Variants in GTF2H2C observed in about 807,000 individuals in gnomAD.
GTF2H2C encodes GTF2H2 family member C.
In GTF2H2C, 5 loss-of-function variants were observed where a neutral mutation model predicts 24.8. The ratio of observed to expected loss-of-function variants is 0.20; its 90% CI spans 0.11 to 0.42. The LOEUF is 0.42. Among genes scored for constraint, GTF2H2C ranks in the 20% least tolerant of loss-of-function variants. The pLI is 1.00. For synonymous variants in GTF2H2C, 14 were observed against 52.6 expected (o/e 0.27, Z 3.18); for missense variants, 45 against 169.8 (o/e 0.27, Z 4.08).
Position 69,594,331 on chromosome 5 carries a change from T to G in GTF2H2C, c.*2133T>G, listed in dbSNP as rs1772103220. On this transcript the variant is annotated 3_prime_UTR_variant, in exon 17 of 17. Transcript: ENST00000380729. ...CTCCGCCACCGTGCCCGGCCGAAAT[T>G]TGTGATTTTATAACTAAGAATTTTT... is the stretch of plus-strand genomic sequence containing the variant. 1 of 117,898 alleles carries G rather than the reference T, an allele frequency of 8.5e-6. No homozygotes were observed. The highest frequency in any genetic ancestry group is 1.8e-5 in the Non-Finnish European group (1 of 55,294). The allele number at this position is 117,898 out of a possible 1,614,324, so 7.3% of individuals were successfully genotyped here. A position where few individuals can be genotyped will look rare whatever the true frequency, so the allele number is the denominator to read the frequency against.
chr5:69,577,457 G>A (rs1472242633), intron 9 of GTF2H2C, among the ~76,000 whole-genome samples: 3 of 135,970 alleles, frequency 2.2e-5, no homozygotes, highest in Admixed American at 7.5e-5. Flanking sequence ...ACGGAGTCTC[G>A]CTCTGTCGCC....
chr5:69,564,883 T>G (rs1486355367), intron 2 of GTF2H2C, among the ~76,000 whole-genome samples: 4 of 152,106 alleles, frequency 2.6e-5, no homozygotes, highest in Non-Finnish European at 5.9e-5. Flanking sequence ...TTATTTTTAT[T>G]GGTACCAAGT....
chr5:69,561,749 T>A (rs547444065), intron 1 of GTF2H2C, among the ~76,000 whole-genome samples: 1 of 151,878 alleles, frequency 6.6e-6, no homozygotes, highest in Non-Finnish European at 1.5e-5. Context: ...GCTCAAGCCA[T>A]CCTCCCACTT....
At chr5:69,581,555 TTTC>T in intron 12 of GTF2H2C, among the ~76,000 whole-genome samples, 1 of 146,596 alleles carries the variant, frequency 6.8e-6, no homozygotes, top group South Asian at 2.2e-4. Flanking sequence ...ACTGATATAT[TTTC>T]TTATTTCATT....
intron 1 of GTF2H2C, among the ~76,000 whole-genome samples, chr5:69,561,325 G>A (rs1028133952): frequency 6.7e-6 from 1 of 148,626 alleles, no homozygotes; most frequent in Non-Finnish European, 1.5e-5. Context: ...CGAGGTGGGC[G>A]GACCAGTTGT....
chr5:69,566,433 T>G, intron 4 of GTF2H2C, 156 bp from the exon 5 acceptor site: 14 of 1,350,148 alleles, frequency 1.0e-5, no homozygotes, highest in Non-Finnish European at 1.4e-5. Flanking sequence ...ATTCCATAAG[T>G]TAATTATTTA....
intron 1 of GTF2H2C, among the ~76,000 whole-genome samples, chr5:69,561,728 G>A (rs1770368005): frequency 6.6e-6 from 1 of 151,560 alleles, no homozygotes; most frequent in Admixed American, 6.6e-5. Context: ...TAGTAGCCTC[G>A]ACTCTCCTGG....
intron 12 of GTF2H2C, among the ~76,000 whole-genome samples, chr5:69,580,901 T>TC (rs1771543725): frequency 8.8e-6 from 1 of 113,590 alleles, no homozygotes; most frequent in Admixed American, 9.5e-5. Context: ...TTTTTTCTTT[T>TC]TTTTTTTGAG....
At chr5:69,560,860 C>T (rs1308645520) in intron 1 of GTF2H2C, among the ~76,000 whole-genome samples, 1 of 151,938 alleles carries the variant, frequency 6.6e-6, no homozygotes, top group South Asian at 2.1e-4. Flanking sequence ...CGGGTTCAAG[C>T]GATTCTCCTT....
intron 8 of GTF2H2C, chr5:69,568,588 C>G (rs1388681602): frequency 1.1e-4 from 12 of 106,548 alleles, no homozygotes; most frequent in Middle Eastern, 5.6e-3. Context: ...AAGTCCGCCT[C>G]ACGGGTTCAA....
intron 2 of GTF2H2C, among the ~76,000 whole-genome samples, chr5:69,563,715 A>G (rs897177437): frequency 3.3e-5 from 5 of 151,904 alleles, no homozygotes; most frequent in African/African-American, 9.7e-5. Flanking sequence ...ATAGTCTCCA[A>G]TGTCTGTTGT....
In GTF2H2C at chr5:69,577,448, C is replaced by T. The variant is rs1463233920; in HGVS notation, c.471-1264C>T. On this transcript the variant is annotated intron_variant, in intron 9 of 16. Transcript: ENST00000380729. ...TTTCTTTCTTTTTTTTTTTTTGAGA[C>T]GGAGTCTCGCTCTGTCGCCCAGGCT... is the stretch of plus-strand genomic sequence containing the variant. Among the ~76,000 whole-genome samples the T allele has an allele frequency of 8.1e-3, 1,111 of 136,526 alleles. 4 individuals are homozygous for T. The highest frequency in any genetic ancestry group is 0.033 in the African/African-American group (1,049 of 31,994). The allele number at this position is 136,526 out of a possible 152,430, so 89.6% of individuals were successfully genotyped here.
chr5:69,566,933 G>A (rs1447858128), intron 5 of GTF2H2C, 34 bp from the exon 6 acceptor site: 25 of 98,334 alleles, frequency 2.5e-4, no homozygotes, highest in South Asian at 1.5e-3. Flanking sequence ...AACAAAACAA[G>A]TACTTGAAAT....
intron 8 of GTF2H2C, among the ~76,000 whole-genome samples, chr5:69,571,377 GAAAA>G (rs1406887525): frequency 3.8e-5 from 2 of 53,116 alleles, no homozygotes; most frequent in Non-Finnish European, 9.1e-5. Flanking sequence ...ATATTAAAAA[GAAAA>G]AAAAGGATTT....
chr5:69,591,483 C>G (rs1420197666), intron 16 of GTF2H2C, among the ~76,000 whole-genome samples: 3 of 150,518 alleles, frequency 2.0e-5, no homozygotes, highest in African/African-American at 7.3e-5. Context: ...TATTCAAAGC[C>G]AAATACTTCT....
At chr5:69,589,921 G>T (rs1580657954) in intron 15 of GTF2H2C, among the ~76,000 whole-genome samples, 1 of 77,282 alleles carries the variant, frequency 1.3e-5, no homozygotes, top group Admixed American at 2.5e-4. Flanking sequence ...TTTTGCTCCC[G>T]TTGCTCAGTG....
At chr5:69,569,008 C>A in intron 8 of GTF2H2C, 1 of 31,144 alleles carries the variant, frequency 3.2e-5, no homozygotes, top group South Asian at 1.3e-3. Flanking sequence ...TTTTTATTTG[C>A]TTTGATATAT....
At chr5:69,564,194 A>ATAT (rs1770596476) in intron 2 of GTF2H2C, among the ~76,000 whole-genome samples, 1 of 94,068 alleles carries the variant, frequency 1.1e-5, no homozygotes, top group Non-Finnish European at 2.2e-5. Context: ...ATTCCATGAT[A>ATAT]TATTACGTAC....
chr5:69,562,406 C>T (rs1364138248), intron 1 of GTF2H2C, among the ~76,000 whole-genome samples: 1 of 151,826 alleles, frequency 6.6e-6, no homozygotes, highest in Non-Finnish European at 1.5e-5. Context: ...CAGGCGAAAC[C>T]CTGGCTCTAC....
Sources: gnomAD v4.1 joint callset for allele counts (sites outside exome capture counted in the v4.1 genomes callset) on GRCh38, gnomAD v4.1.1 for gene constraint, MANE v1.5 for transcripts, NCBI Gene and HGNC (gene_info 2026-07-23, HGNC 2026-07-21) for gene names.